UBE4B: variants seen among roughly 807,000 people sequenced by gnomAD.
UBE4B encodes ubiquitin conjugation factor E4 B.
UBE4B carries 27 observed loss-of-function variants against 148.1 expected under a neutral mutation model. The observed-to-expected ratio is 0.18, with a 90% CI of 0.13 to 0.25. The LOEUF (loss-of-function observed/expected upper bound fraction) is 0.25, where lower values mean the gene tolerates loss of function less well. Among genes scored for constraint, UBE4B ranks in the 10% least tolerant of loss-of-function variants. The pLI is 1.00. For synonymous variants in UBE4B, 596 were observed against 619.3 expected (o/e 0.96, Z 0.56); for missense variants, 1,170 against 1,662.4 (o/e 0.70, Z 5.15).
intron 1 of UBE4B, among the ~76,000 whole-genome samples, chr1:10,055,081 C>T (rs926241562): frequency 2.0e-5 from 3 of 152,046 alleles, no homozygotes; most frequent in Non-Finnish European, 2.9e-5. Flanking sequence ...CCACCGCACC[C>T]GGCGTGTTTT....
At chr1:10,140,551 T>A (rs189230799) in intron 17 of UBE4B, among the ~76,000 whole-genome samples, 1 of 152,346 alleles carries the variant, frequency 6.6e-6, no homozygotes, top group East Asian at 1.9e-4. Flanking sequence ...CAAACTATGA[T>A]TGTGGATTTA....
chr1:10,100,929 A>G (rs1182963413), intron 3 of UBE4B, 179 bp from the exon 4 acceptor site: 3 of 595,458 alleles, frequency 5.0e-6, no homozygotes, highest in African/African-American at 1.9e-5. Context: ...ATAAGAGACA[A>G]ATTGTTTAGA....
chr1:10,167,482 T>C (rs1646271575), intron 23 of UBE4B, among the ~76,000 whole-genome samples: 1 of 141,008 alleles, frequency 7.1e-6, no homozygotes, highest in Non-Finnish European at 1.5e-5. Context: ...AATGACTAAG[T>C]AAAAGTTATT....
rs1452431993 is a variant in UBE4B at position 10,087,158 on chromosome 1, C to T, written c.212-8303C>T. Among the ~76,000 whole-genome samples, 2 of 152,104 alleles carry T rather than the reference C, an allele frequency of 1.3e-5. 1 individual carries two copies. The highest frequency in any genetic ancestry group is 4.8e-5 in the African/African-American group (2 of 41,414). ...CGTTCACATTGGTTTTTTTCATTGG[C>T]TCCTCAAAGTAGAACTATGAAGTAG... On this transcript the variant is annotated intron_variant, in intron 2 of 27. Transcript: ENST00000343090.
At chr1:10,175,400 C>T (rs958849255) in intron 25 of UBE4B, among the ~76,000 whole-genome samples, 2 of 152,026 alleles carry the variant, frequency 1.3e-5, no homozygotes, top group Admixed American at 6.5e-5. Context: ...GCCTGTAATC[C>T]CAGCACTTTG....
intron 1 of UBE4B, among the ~76,000 whole-genome samples, chr1:10,040,163 C>T (rs1478886767): frequency 2.7e-5 from 4 of 150,790 alleles, no homozygotes; most frequent in Admixed American, 1.3e-4. Flanking sequence ...CTCCCTCTGT[C>T]GCCCAGGCTG....
At chr1:10,103,621 GTTTTGTTTTTGT>G (rs1354083405) in intron 5 of UBE4B, among the ~76,000 whole-genome samples, 4 of 133,540 alleles carry the variant, frequency 3.0e-5, no homozygotes, top group Non-Finnish European at 4.9e-5. Flanking sequence ...TTTTTTGTTT[GTTTTGTTTTTGT>G]TTTTTTTTTT....
chr1:10,104,961 G>A (rs1645081639), intron 5 of UBE4B, among the ~76,000 whole-genome samples: 1 of 152,326 alleles, frequency 6.6e-6, no homozygotes, highest in East Asian at 1.9e-4. Context: ...GAGCTGCAAA[G>A]AATAAGAAGG....
At chr1:10,057,552 A>C (rs1025758927) in intron 1 of UBE4B, among the ~76,000 whole-genome samples, 1 of 150,818 alleles carries the variant, frequency 6.6e-6, no homozygotes, top group African/African-American at 2.4e-5. Flanking sequence ...GAGTAGGCAC[A>C]CACCACCATG....
chr1:10,041,335 CTT>C (rs573440480), intron 1 of UBE4B, among the ~76,000 whole-genome samples: 115 of 131,984 alleles, frequency 8.7e-4, no homozygotes, highest in Middle Eastern at 4.0e-3. Context: ...TTTTGGCATT[CTT>C]TTTTTTTTTT....
intron 1 of UBE4B, among the ~76,000 whole-genome samples, chr1:10,056,098 A>C (rs1644163421): frequency 6.6e-6 from 1 of 152,196 alleles, no homozygotes; most frequent in African/African-American, 2.4e-5. Flanking sequence ...GCAGCAGGAA[A>C]CCTTCTTTAA....
intron 17 of UBE4B, among the ~76,000 whole-genome samples, chr1:10,137,524 A>T (rs942407286): frequency 1.3e-5 from 2 of 152,300 alleles, no homozygotes; most frequent in Non-Finnish European, 2.9e-5. Flanking sequence ...AGTTTAAAGG[A>T]TCCCCTGGGT....
Position 10,161,167 on chromosome 1 carries a change from A to G in UBE4B, c.3079A>G (p.Ile1027Val). ...FNSGKQFVRY[I>V]NMLINDTTFL... ...CTCCGGGAAGCAGTTTGTTCGCTAT[A>G]TAAACATGTTGATAAACGACACGAC... The change falls in exon 23 of 28, where the codon ATA becomes GTA. Residue 1027 changes from isoleucine to valine, a missense_variant. Physicochemically the swap from Ile to Val is conservative, Grantham distance 29. Coordinates refer to ENST00000343090, the MANE Select transcript of UBE4B (RefSeq NM_001105562.3). This position sits in a 1 kb window ranked among gnomAD's most constrained non-coding sequence, Gnocchi z 4.1. The G allele has an allele frequency of 6.2e-7, 1 of 1,614,144 alleles. No homozygotes were observed. Among genetic ancestry groups the G allele is most frequent in the Non-Finnish European group, 8.5e-7 (1 of 1,180,014 alleles).
chr1:10,075,905 G>A (rs558259916), intron 2 of UBE4B, among the ~76,000 whole-genome samples: 15 of 152,170 alleles, frequency 9.9e-5, no homozygotes, highest in South Asian at 8.3e-4. Context: ...TTAGCGGGGC[G>A]TGATGGTGCA....
rs180983516 is a variant in UBE4B, at chr1:10,106,379, G to A, written c.992G>A (p.Arg331His). 2.9e-4 allele frequency: 460 copies of A among 1,612,468 alleles called. No homozygotes were observed. In the East Asian group the frequency reaches 9.1e-3, roughly 32 times the overall value. ...AGCCAGCCTTCATCCCCGCGGTATCGCCCCTACACTGTCACTCACCCATGG... is the reference window on the plus strand; with the variant it reads ...AGCCAGCCTTCATCCCCGCGGTATCACCCCTACACTGTCACTCACCCATGG... ...AGSQPSSPRY[R>H]PYTVTHPWAS... Residue 331 changes from arginine (R) to histidine (H), a missense_variant, in exon 7 of 28, where the codon CGC becomes CAC. By Grantham distance (29) the Arg-to-His change is conservative. Coordinates refer to ENST00000343090, the MANE Select transcript of UBE4B (RefSeq NM_001105562.3). This position sits in a 1 kb window ranked among gnomAD's most constrained non-coding sequence, Gnocchi z 4.2.
intron 10 of UBE4B, 116 bp from the exon 11 acceptor site, chr1:10,126,678 T>A: frequency 2.3e-6 from 2 of 876,810 alleles, no homozygotes; most frequent in Non-Finnish European, 3.5e-6. Context: ...GCAAAAAAGC[T>A]TTTCCCTGGG....
chr1:10,065,835 A>G (rs1644376648), intron 1 of UBE4B, among the ~76,000 whole-genome samples: 1 of 152,224 alleles, frequency 6.6e-6, no homozygotes, highest in Non-Finnish European at 1.5e-5. Flanking sequence ...AATTTGCACT[A>G]ATAATAATGT....
intron 1 of UBE4B, among the ~76,000 whole-genome samples, chr1:10,071,037 G>T (rs2101830434): frequency 6.6e-6 from 1 of 152,116 alleles, no homozygotes; most frequent in Non-Finnish European, 1.5e-5. Context: ...TGCCTCAGTA[G>T]CTGGGATTAC....
At chr1:10,157,379 A>AG (rs34800705) in intron 21 of UBE4B, among the ~76,000 whole-genome samples, 5,183 of 152,202 alleles carry the variant, frequency 0.034, 146 homozygotes, top group Non-Finnish European at 0.045. Flanking sequence ...TGGGATGCTG[A>AG]GGTGGGAGGA....
Sources: gnomAD v4.1 joint callset for allele counts (sites outside exome capture counted in the v4.1 genomes callset) on GRCh38, gnomAD v4.1.1 for gene constraint, Gnocchi (gnomAD v3.1) non-coding constraint, MANE v1.5 for transcripts, NCBI Gene and HGNC (gene_info 2026-07-23, HGNC 2026-07-21) for gene names.